DNAJA3: variants seen among roughly 807,000 people sequenced by gnomAD.
DNAJA3 encodes the protein dnaJ homolog subfamily A member 3, mitochondrial.
DNAJA3 carries 29 observed loss-of-function variants against 54.9 expected under a neutral mutation model. The ratio of observed to expected loss-of-function variants is 0.53; its 90% CI spans 0.39 to 0.72. DNAJA3 has a LOEUF of 0.72. DNAJA3 is among the 30% of genes least tolerant of loss of function. The probability of loss-of-function intolerance (pLI) is 0.00; values close to 1 mark genes in which losing one functional copy is unlikely to be tolerated. For missense variants in DNAJA3, 708 were observed against 639.4 expected (o/e 1.11, Z -1.16); for synonymous variants, 302 against 251.4 (o/e 1.20, Z -1.90).
In DNAJA3 at chr16:4,441,451, C is replaced by T. The variant is rs758942391; in HGVS notation, c.506C>T (p.Ser169Phe). The T allele has an allele frequency of 1.1e-5, 17 of 1,614,156 alleles. No homozygotes were observed. Among genetic ancestry groups the T allele is most frequent in the Non-Finnish European group, 1.4e-5 (16 of 1,180,010 alleles). The change falls in exon 4 of 12, where the codon TCC (serine) becomes TTC (phenylalanine). Residue 169 changes from serine (S) to phenylalanine (F), a missense_variant. Transcript: ENST00000262375. ...GGCTTCGATCCTGGGGCCAGCGGCT[C>T]CCAGCATAGCTACTGGAAGGGAGGC... ...SAGFDPGASG[S>F]QHSYWKGGPT...
At chr16:4,437,884 G>T (rs1289530988) in intron 3 of DNAJA3, among the ~76,000 whole-genome samples, 1 of 151,652 alleles carries the variant, frequency 6.6e-6, no homozygotes, top group African/African-American at 2.4e-5. Context: ...GGGGCTCAAA[G>T]CTGCAGTGAC....
In DNAJA3 at chr16:4,431,583, C is replaced by CT. The variant is rs748961257; in HGVS notation, c.212-2789dup. On this transcript the variant is annotated intron_variant, in intron 1 of 11. Transcript: ENST00000262375. Reference sequence around the variant, plus strand: ...TCCCAGGCTTCCTAGAGTTGTTTCTCTTTTTTTTTTTTCAGGTGGAGTCTT... The same window carrying CT: ...TCCCAGGCTTCCTAGAGTTGTTTCTCTTTTTTTTTTTTTCAGGTGGAGTCTT... 2.8e-3 allele frequency: 411 copies of CT among 145,048 alleles called. 1 individual carries two copies. The highest frequency in any genetic ancestry group is 4.5e-3 in the East Asian group (22 of 4,888). The allele number at this position is 145,048 out of a possible 1,614,324, so 9.0% of individuals were successfully genotyped here. A position where few individuals can be genotyped will look rare whatever the true frequency, so the allele number is the denominator to read the frequency against.
At chr16:4,434,654 C>T in intron 2 of DNAJA3, 137 bp downstream of exon 2, 4 of 1,086,310 alleles carry the variant, frequency 3.7e-6, no homozygotes, top group Non-Finnish European at 3.9e-6. Context: ...TGTGATAAAG[C>T]TGGACTTTGC....
chr16:4,446,298 C>T (rs2056901615), intron 7 of DNAJA3, among the ~76,000 whole-genome samples: 1 of 145,598 alleles, frequency 6.9e-6, no homozygotes, highest in African/African-American at 2.6e-5. Flanking sequence ...GGCTGGAGTG[C>T]AGTGGTGTGA....
chr16:4,437,256 C>G (rs1165699100), intron 2 of DNAJA3, 146 bp from the exon 3 acceptor site: 1 of 692,306 alleles, frequency 1.4e-6, no homozygotes, highest in Non-Finnish European at 2.5e-6. Flanking sequence ...CAGGCGTGAG[C>G]CACTGCACCC....
chr16:4,454,974 A>G (rs2057018965), intron 11 of DNAJA3, 47 bp downstream of exon 11: 2 of 1,324,230 alleles, frequency 1.5e-6, no homozygotes, highest in Non-Finnish European at 2.1e-6. Context: ...TCCTCTGTGA[A>G]CTAATCCTGG....
At chr16:4,433,591 G>C (rs2056733994) in intron 1 of DNAJA3, among the ~76,000 whole-genome samples, 1 of 152,170 alleles carries the variant, frequency 6.6e-6, no homozygotes, top group Admixed American at 6.6e-5. Context: ...CTTGAGAACT[G>C]CTCCTTAAGT....
intron 2 of DNAJA3, 68 bp downstream of exon 2, chr16:4,434,585 G>C (rs2141373863): frequency 1.3e-6 from 2 of 1,567,890 alleles, no homozygotes; most frequent in Middle Eastern, 1.7e-4. Context: ...ATGTGATCCT[G>C]ATCAGTACAG....
In DNAJA3 at chr16:4,447,008, C is replaced by G; in HGVS notation, c.1119C>G (p.Asn373Lys). 6.2e-7 allele frequency: 1 copy of G among 1,613,522 alleles called. No individual in the cohort carries two copies. The highest frequency in any genetic ancestry group is 8.5e-7 in the Non-Finnish European group (1 of 1,179,820). ...ARAQGLYETINVTIPPGTQTD... is the reference protein window; with the variant it reads ...ARAQGLYETIKVTIPPGTQTD... ...CCCAGGGCCTGTACGAGACGATCAA[C>G]GTGACGGTAAGAGGGTGTGAGAACA... The change falls in exon 8 of 12, where the codon AAC becomes AAG. Residue 373 changes from asparagine (N) to lysine (K), a missense_variant. Transcript: ENST00000262375.
In DNAJA3 at chr16:4,456,417, T is replaced by C. The variant is rs1308196190; in HGVS notation, c.*885T>C. 1 of 152,610 alleles carries C rather than the reference T, an allele frequency of 6.6e-6. No individual in the cohort carries two copies. Among genetic ancestry groups the C allele is most frequent in the Non-Finnish European group, 1.5e-5 (1 of 68,052 alleles). 9.5% of individuals were successfully genotyped at this position (152,610 alleles called of 1,614,324 possible). A position where few individuals can be genotyped will look rare whatever the true frequency, so the allele number is the denominator to read the frequency against. On this transcript the variant is annotated 3_prime_UTR_variant, in exon 12 of 12. Coordinates refer to ENST00000262375, the MANE Select transcript of DNAJA3 (RefSeq NM_005147.6). ...GGTTCTCCCACTTACACTGTTGACA[T>C]CTATTTTCTGAAGTGTGTTTAAATT...
intron 5 of DNAJA3, 163 bp downstream of exon 5, chr16:4,442,583 C>T (rs1322450100): frequency 1.7e-5 from 14 of 814,518 alleles, no homozygotes; most frequent in Non-Finnish European, 2.3e-5. Context: ...AGCCTGTGCT[C>T]CTCTTTCCCT....
rs2056858208 is a variant in DNAJA3 at position 4,443,147 on chromosome 16, T to C, written c.914T>C (p.Met305Thr). 1 of 1,613,874 alleles carries C rather than the reference T, an allele frequency of 6.2e-7. No homozygotes were observed. Among genetic ancestry groups the C allele is most frequent in the Admixed American group, 1.7e-5 (1 of 59,960 alleles). ...CAAGCCAAGCAGAAAAAGCGAGTGA[T>C]GATCCCTGTGCCTGCAGGTGGGTGC... Reference protein sequence around the residue: ...AGQAKQKKRVMIPVPAGVEDG... With the variant: ...AGQAKQKKRVTIPVPAGVEDG... The change falls in exon 6 of 12, where the codon ATG (methionine) becomes ACG (threonine). Residue 305 changes from methionine to threonine, a missense_variant. Transcript: ENST00000262375.
At chr16:4,443,305 G>T (rs1325460207) in intron 6 of DNAJA3, 141 bp downstream of exon 6, 12 of 1,045,538 alleles carry the variant, frequency 1.1e-5, no homozygotes, top group Non-Finnish European at 1.5e-5. Flanking sequence ...TATGGTTGAG[G>T]CCCTGGAGCC....
chr16:4,448,737 C>T lies in DNAJA3; in HGVS notation c.1130C>T (p.Pro377Leu), dbSNP rs774781065. 6 of 1,613,214 alleles carry T rather than the reference C, an allele frequency of 3.7e-6. No homozygotes were observed. The highest frequency in any genetic ancestry group is 1.1e-5 in the South Asian group (1 of 90,976). Residue 377 changes from proline (P) to leucine (L), a missense_variant, in exon 9 of 12, where the codon CCC (proline) becomes CTC (leucine). Coordinates refer to ENST00000262375, the MANE Select transcript of DNAJA3 (RefSeq NM_005147.6). Reference protein sequence around the residue: ...GLYETINVTIPPGTQTDQKIR... With the variant: ...GLYETINVTILPGTQTDQKIR... The stretch of plus-strand genomic sequence containing the variant: ...ACAGATTTTCTTTCTTTATAGATCC[C>T]CCCTGGGACTCAGACAGACCAGAAG...
At position 4,449,166 on chromosome 16, in the gene DNAJA3, T is replaced by G. The variant is rs145176900; in HGVS notation, c.1241+318T>G. Among the ~76,000 whole-genome samples, 17 of 151,262 alleles carry G rather than the reference T, an allele frequency of 1.1e-4. No homozygotes were observed. In the East Asian group the frequency reaches 2.8e-3, roughly 24 times the overall value. ...TGCCTGCCACCATGCCCGGCTAATT[T>G]TTTGTATTTTTAGTAGAGATGGGGT... On this transcript the variant is annotated intron_variant, in intron 9 of 11. Transcript: ENST00000262375.
At chr16:4,449,238 C>T (rs1596370646) in intron 9 of DNAJA3, among the ~76,000 whole-genome samples, 1 of 152,170 alleles carries the variant, frequency 6.6e-6, no homozygotes, top group Non-Finnish European at 1.5e-5. Flanking sequence ...CCTAGTGATC[C>T]ACCCACCTTG....
At chr16:4,450,737 C>T (rs1036481145) in intron 10 of DNAJA3, among the ~76,000 whole-genome samples, 4 of 152,240 alleles carry the variant, frequency 2.6e-5, no homozygotes, top group Admixed American at 6.5e-5. Flanking sequence ...CACCAGGGCA[C>T]TTCCTGCAGG....
At chr16:4,454,547 T>C (rs1354435260) in intron 10 of DNAJA3, among the ~76,000 whole-genome samples, 1 of 152,254 alleles carries the variant, frequency 6.6e-6, no homozygotes. Context: ...AGTCCGTCTC[T>C]ATTTCTTGTT....
chr16:4,433,167 A>G (rs1350132914), intron 1 of DNAJA3: 1 of 152,260 alleles, frequency 6.6e-6, no homozygotes, highest in Non-Finnish European at 1.5e-5. Context: ...TGCTCTTCCT[A>G]TCTGTTAAGT....
Sources: allele counts gnomAD v4.1 joint callset (sites outside exome capture counted in the v4.1 genomes callset), GRCh38; gene constraint gnomAD v4.1.1; transcripts MANE v1.5; gene names NCBI Gene and HGNC (gene_info 2026-07-23, HGNC 2026-07-21).